ASTN2: variants seen among roughly 807,000 people sequenced by gnomAD.
ASTN2 encodes the protein astrotactin-2.
ASTN2 carries 54 observed loss-of-function variants against 139.8 expected under a neutral mutation model. The ratio of observed to expected loss-of-function variants is 0.39; its 90% CI spans 0.31 to 0.48. The LOEUF is 0.48. ASTN2 is among the 20% of genes least tolerant of loss of function. The pLI is 0.95. For missense variants in ASTN2, 1,565 were observed against 1,725.1 expected (o/e 0.91, Z 1.64); for synonymous variants, 756 against 719.5 (o/e 1.05, Z -0.81).
At chr9:116,647,277 C>G (rs1346217221) in intron 17 of ASTN2, among the ~76,000 whole-genome samples, 1 of 152,148 alleles carries the variant, frequency 6.6e-6, no homozygotes, top group Non-Finnish European at 1.5e-5. Flanking sequence ...AGACCATATC[C>G]ACTTGTCATA....
At chr9:117,329,048 T>G (rs1174248610) in intron 1 of ASTN2, among the ~76,000 whole-genome samples, 1 of 152,116 alleles carries the variant, frequency 6.6e-6, no homozygotes, top group Non-Finnish European at 1.5e-5. Flanking sequence ...CAAAGTGACC[T>G]TCTGTCAGGT....
At chr9:116,526,390 T>G (rs1423456036) in intron 19 of ASTN2, among the ~76,000 whole-genome samples, 1 of 151,892 alleles carries the variant, frequency 6.6e-6, no homozygotes, top group Non-Finnish European at 1.5e-5. Context: ...GGTGGGAGGA[T>G]CACTTGAGGC....
At chr9:117,239,042 TA>T (rs1833130630) in intron 2 of ASTN2, among the ~76,000 whole-genome samples, 1 of 152,202 alleles carries the variant, frequency 6.6e-6, no homozygotes, top group Non-Finnish European at 1.5e-5. Flanking sequence ...TTCATCAATG[TA>T]AAAACTCAGG....
At chr9:117,056,764 CAAAT>C (rs1411956950) in intron 5 of ASTN2, among the ~76,000 whole-genome samples, 1 of 152,100 alleles carries the variant, frequency 6.6e-6, no homozygotes, top group Non-Finnish European at 1.5e-5. Context: ...TACAATCAGA[CAAAT>C]AAAGTTTGAA....
At chr9:117,329,462 G>A (rs1034725815) in intron 1 of ASTN2, among the ~76,000 whole-genome samples, 5 of 152,090 alleles carry the variant, frequency 3.3e-5, no homozygotes, top group Non-Finnish European at 7.4e-5. Context: ...GGAGAGGAGA[G>A]GGAATGGTCC....
chr9:117,202,222 C>T (rs1382504575), intron 3 of ASTN2, among the ~76,000 whole-genome samples: 1 of 152,030 alleles, frequency 6.6e-6, no homozygotes, highest in African/African-American at 2.4e-5. Flanking sequence ...TTATTTTAAG[C>T]CTGTGTGTGT....
intron 4 of ASTN2, among the ~76,000 whole-genome samples, chr9:117,114,183 A>AAT (rs1829321772): frequency 6.6e-6 from 1 of 151,598 alleles, no homozygotes; most frequent in Non-Finnish European, 1.5e-5. Flanking sequence ...TTTTTTAAAA[A>AAT]AAAAGTCTAT....
At chr9:117,179,378 CTATA>C (rs1172844392) in intron 3 of ASTN2, among the ~76,000 whole-genome samples, 1 of 151,948 alleles carries the variant, frequency 6.6e-6, no homozygotes, top group Non-Finnish European at 1.5e-5. Context: ...CACATATCTT[CTATA>C]TATAGTCATC....
intron 12 of ASTN2, among the ~76,000 whole-genome samples, chr9:116,810,489 G>C (rs906883426): frequency 1.3e-5 from 2 of 152,100 alleles, no homozygotes; most frequent in African/African-American, 4.8e-5. Flanking sequence ...AAATTCTACT[G>C]TTGCAATCTT....
chr9:116,517,499 G>C (rs1350673204), intron 19 of ASTN2, among the ~76,000 whole-genome samples: 9 of 152,186 alleles, frequency 5.9e-5, no homozygotes, highest in Admixed American at 5.9e-4. Flanking sequence ...AAAGGAATCT[G>C]AACAGTGGCC....
intron 19 of ASTN2, among the ~76,000 whole-genome samples, chr9:116,516,527 G>A (rs966967667): frequency 1.3e-5 from 2 of 152,216 alleles, no homozygotes; most frequent in African/African-American, 4.8e-5. Context: ...CTCCTGCCTG[G>A]ATGGACAGAG....
intron 7 of ASTN2, among the ~76,000 whole-genome samples, chr9:117,007,576 G>A (rs1246056149): frequency 6.6e-6 from 1 of 152,178 alleles, no homozygotes; most frequent in Admixed American, 6.5e-5. Flanking sequence ...TCATGAGGGT[G>A]GAGATTTTGC....
At chr9:116,715,171 A>G (rs1828277867) in intron 16 of ASTN2, among the ~76,000 whole-genome samples, 1 of 151,774 alleles carries the variant, frequency 6.6e-6, no homozygotes, top group South Asian at 2.1e-4. Context: ...GGTATCTCCC[A>G]AAGTGGCCAG....
At position 116,858,396 on chromosome 9, in the gene ASTN2, G is replaced by A. The variant is rs1832794748; in HGVS notation, c.2040+5187C>T. ...GTTAATCAAAAGGCTTCCTGTGCTG[G>A]GAAAACCAGAAAAACATAAAAGAAT... On this transcript the variant is annotated intron_variant, in intron 11 of 22. Coordinates refer to ENST00000313400, the MANE Select transcript of ASTN2 (RefSeq NM_001365068.1). Among the ~76,000 whole-genome samples, 3 of 152,130 alleles carry A rather than the reference G, an allele frequency of 2.0e-5. No individual in the cohort carries two copies. In the South Asian group the frequency reaches 6.2e-4, roughly 32 times the overall value.
chr9:116,887,478 G>C (rs1044980523), intron 10 of ASTN2, among the ~76,000 whole-genome samples: 4 of 151,724 alleles, frequency 2.6e-5, no homozygotes, highest in Non-Finnish European at 4.4e-5. Flanking sequence ...AGCAGAGAGA[G>C]CAGCAGGTGC....
At chr9:116,544,996 G>C (rs1210758251) in intron 19 of ASTN2, among the ~76,000 whole-genome samples, 1 of 152,192 alleles carries the variant, frequency 6.6e-6, no homozygotes, top group East Asian at 1.9e-4. Flanking sequence ...CTGCTCCCCT[G>C]TATGCCTTAG....
intron 19 of ASTN2, among the ~76,000 whole-genome samples, chr9:116,591,249 C>T (rs1854367576): frequency 6.6e-6 from 1 of 152,196 alleles, no homozygotes. Flanking sequence ...ACCATGTTCC[C>T]TGGTGCCAGC....
intron 5 of ASTN2, among the ~76,000 whole-genome samples, chr9:117,065,399 G>A (rs959355778): frequency 6.6e-6 from 1 of 152,092 alleles, no homozygotes. Context: ...TCGAGACTCA[G>A]TATTAGTATA....
intron 1 of ASTN2, among the ~76,000 whole-genome samples, chr9:117,369,323 A>G (rs1468258896): frequency 6.6e-6 from 1 of 152,118 alleles, no homozygotes; most frequent in East Asian, 1.9e-4. Flanking sequence ...TTTTAATATT[A>G]TCATTATTAA....
Sources: allele counts gnomAD v4.1 joint callset (sites outside exome capture counted in the v4.1 genomes callset), GRCh38; gene constraint gnomAD v4.1.1; transcripts MANE v1.5; gene names NCBI Gene and HGNC (gene_info 2026-07-23, HGNC 2026-07-21).